PCDHA5: variants seen among roughly 807,000 people sequenced by gnomAD.
The protein encoded by PCDHA5 is protocadherin alpha 5, also known as protocadherin alpha-5.
In PCDHA5, 43 loss-of-function variants were observed where a neutral mutation model predicts 61.6. The ratio of observed to expected loss-of-function variants is 0.70; its 90% CI spans 0.55 to 0.90. The LOEUF is 0.90. Among genes scored for constraint, PCDHA5 ranks in the 40% least tolerant of loss-of-function variants. The pLI is 0.00. For missense variants in PCDHA5, 1,298 were observed against 1,222.7 expected, an observed-to-expected ratio of 1.06 and a Z score of -0.92; for synonymous variants, 627 against 543.9, an observed-to-expected ratio of 1.15 and a Z score of -2.13.
chr5:140,851,458 A>G lies in PCDHA5; in HGVS notation c.2352+27331A>G, dbSNP rs543530634. 8 of 902,168 alleles carry G rather than the reference A, an allele frequency of 8.9e-6. 1 individual carries two copies. The African/African-American group carries it at 1.4e-4, about 16-fold the overall frequency. 55.9% of individuals were successfully genotyped at this position (902,168 alleles called of 1,614,324 possible). ...ACAGTTGCTCCACTTTAGGAATCAA[A>G]TTATGTCAATAAATGTTATAAACAC... On this transcript the variant is annotated intron_variant, in intron 1 of 3. Coordinates refer to ENST00000529859, the MANE Select transcript of PCDHA5 (RefSeq NM_018908.3).
chr5:140,841,892 C>A (rs2150324917), intron 1 of PCDHA5: 1 of 1,613,788 alleles, frequency 6.2e-7, no homozygotes, highest in Non-Finnish European at 8.5e-7. Context: ...TGAGAATAAA[C>A]TGGTTGAGCT....
chr5:140,920,745 G>T (rs2079798907), intron 1 of PCDHA5, among the ~76,000 whole-genome samples: 1 of 151,878 alleles, frequency 6.6e-6, no homozygotes, highest in Admixed American at 6.6e-5. Flanking sequence ...TCAGGAGGCT[G>T]AGGCAGGAGA....
At chr5:140,928,452 G>T in intron 1 of PCDHA5, 3 of 1,614,126 alleles carry the variant, frequency 1.9e-6, no homozygotes, top group Non-Finnish European at 2.5e-6. Flanking sequence ...AGCTCAGGGG[G>T]TTTCATTTCC....
chr5:140,877,969 A>G (rs2057419330), intron 1 of PCDHA5: 1 of 1,276,842 alleles, frequency 7.8e-7, no homozygotes, highest in African/African-American at 1.5e-5. Flanking sequence ...TTTCTTGGTC[A>G]TTCTTACTCA....
At chr5:140,850,576 T>C (rs1554144521) in intron 1 of PCDHA5, 1 of 1,598,296 alleles carries the variant, frequency 6.3e-7, no homozygotes, top group East Asian at 2.2e-5. Flanking sequence ...GTGACGCTGG[T>C]GGATGTCAAC....
At chr5:140,870,956 G>A (rs1554164932) in intron 1 of PCDHA5, 1 of 1,613,634 alleles carries the variant, frequency 6.2e-7, no homozygotes, top group Non-Finnish European at 8.5e-7. Context: ...GGCGGCTCGC[G>A]CATCCCGTTC....
At chr5:140,867,855 G>A (rs1340065029) in intron 1 of PCDHA5, 1 of 152,094 alleles carries the variant, frequency 6.6e-6, no homozygotes, top group South Asian at 2.1e-4. Context: ...TAGTTGAATT[G>A]TTTGATTAAT....
chr5:140,870,549 C>G, intron 1 of PCDHA5: 1 of 1,614,064 alleles, frequency 6.2e-7, no homozygotes, highest in Middle Eastern at 1.7e-4. Context: ...GGGACGCGGA[C>G]GCGCAGGAGA....
intron 3 of PCDHA5, among the ~76,000 whole-genome samples, chr5:140,999,452 G>A (rs141442204): frequency 6.4e-4 from 97 of 152,234 alleles, no homozygotes; most frequent in African/African-American, 2.1e-3. Flanking sequence ...TTCGTTCAAC[G>A]AATAAGTGGT....
chr5:140,907,139 T>C (rs2073191409), intron 1 of PCDHA5, among the ~76,000 whole-genome samples: 1 of 152,148 alleles, frequency 6.6e-6, no homozygotes, highest in African/African-American at 2.4e-5. Context: ...GAATTCCGGC[T>C]ATGGGAGAAA....
chr5:140,856,203 G>GGCTGGA (rs782244369), intron 1 of PCDHA5: 1 of 1,597,978 alleles, frequency 6.3e-7, no homozygotes, highest in African/African-American at 1.3e-5. Context: ...CAGGACCTGG[G>GGCTGGA]GCTGGAGCTG....
At chr5:140,968,460 C>G (rs1554230749) in intron 1 of PCDHA5, 1 of 1,614,096 alleles carries the variant, frequency 6.2e-7, no homozygotes, top group Non-Finnish European at 8.5e-7. Flanking sequence ...ACTGTGACTG[C>G]CAACGTATAT....
At chr5:140,963,556 T>A (rs891498931) in intron 1 of PCDHA5, among the ~76,000 whole-genome samples, 28 of 152,238 alleles carry the variant, frequency 1.8e-4, no homozygotes, top group Non-Finnish European at 3.4e-4. Context: ...AAAAAGGGGC[T>A]GTTTTCTGGT....
intron 1 of PCDHA5, chr5:140,927,103 C>T: frequency 6.2e-7 from 1 of 1,613,768 alleles, no homozygotes; most frequent in Non-Finnish European, 8.5e-7. Flanking sequence ...GGTGGATCTA[C>T]CCAGCGGCAA....
chr5:140,869,238 G>A (rs1430399840), intron 1 of PCDHA5: 1 of 1,613,534 alleles, frequency 6.2e-7, no homozygotes, highest in African/African-American at 1.3e-5. Flanking sequence ...GCACCTTCGT[G>A]GGCCGCATCG....
chr5:140,951,548 G>A (rs1314618918), intron 1 of PCDHA5, among the ~76,000 whole-genome samples: 1 of 151,910 alleles, frequency 6.6e-6, no homozygotes, highest in African/African-American at 2.4e-5. Flanking sequence ...AGGGACGGGG[G>A]GAAGTGCTAC....
At chr5:140,961,313 G>A (rs2095603813) in intron 1 of PCDHA5, among the ~76,000 whole-genome samples, 1 of 152,118 alleles carries the variant, frequency 6.6e-6, no homozygotes, top group Admixed American at 6.5e-5. Flanking sequence ...TGATTTACCA[G>A]GCTCTGTTTC....
intron 1 of PCDHA5, chr5:140,969,141 G>A: frequency 6.2e-7 from 1 of 1,614,158 alleles, no homozygotes; most frequent in South Asian, 1.1e-5. Flanking sequence ...AAGACCTACT[G>A]CTACAAGGCC....
At chr5:140,968,990 T>C in intron 1 of PCDHA5, 1 of 1,614,254 alleles carries the variant, frequency 6.2e-7, no homozygotes, top group Non-Finnish European at 8.5e-7. Flanking sequence ...CACTGCATGC[T>C]GTGGAGGCTT....
Sources: gnomAD v4.1 joint callset for allele counts (sites outside exome capture counted in the v4.1 genomes callset) on GRCh38, gnomAD v4.1.1 for gene constraint, MANE v1.5 for transcripts, NCBI Gene and HGNC (gene_info 2026-07-23, HGNC 2026-07-21) for gene names.